Variants in ORC4 observed in about 807,000 individuals in gnomAD.
ORC4 encodes origin recognition complex subunit 4, also known as origin recognition complex, subunit 4 homolog.
In ORC4, 55 loss-of-function variants were observed where a neutral mutation model predicts 63.9. That is an observed-to-expected ratio of 0.86 (90% CI 0.69 to 1.08). The LOEUF (loss-of-function observed/expected upper bound fraction) is 1.08, where lower values mean the gene tolerates loss of function less well. Among genes scored for constraint, ORC4 ranks in the 50% least tolerant of loss-of-function variants. The pLI is 0.00. For missense variants in ORC4, 511 were observed against 504.4 expected, an observed-to-expected ratio of 1.01 and a Z score of -0.13; for synonymous variants, 150 against 168.5, an observed-to-expected ratio of 0.89 and a Z score of 0.85.
At position 147,943,464 on chromosome 2, in the gene ORC4, T is replaced by C. The variant is rs757433608; in HGVS notation, c.821A>G (p.Lys274Arg). Residue 274 changes from lysine (K) to arginine (R), a missense_variant, in exon 10 of 14, where the codon AAA (lysine) becomes AGA (arginine). Lys to Arg is a conservative substitution (Grantham distance 26). Coordinates refer to ENST00000392857, the MANE Select transcript of ORC4 (RefSeq NM_181741.4). The stretch of plus-strand genomic sequence containing the variant: ...TAGCATGTGTAATGACCGCAGGTTT[T>C]TGCTGATATTGAAATGCTTCTGTAG... ...EVLQKHFNISKNLRSLHMLLM... is the reference protein window; with the variant it reads ...EVLQKHFNISRNLRSLHMLLM... 1.2e-5 allele frequency: 19 copies of C among 1,606,066 alleles called. No homozygotes were observed. The highest frequency in any genetic ancestry group is 1.3e-5 in the Non-Finnish European group (15 of 1,173,060).
At chr2:147,961,712 A>G (rs1409877763) in intron 4 of ORC4, among the ~76,000 whole-genome samples, 5 of 152,176 alleles carry the variant, frequency 3.3e-5, no homozygotes, top group Non-Finnish European at 5.9e-5. Context: ...AATGACTGCA[A>G]GGCACCACAA....
chr2:148,018,656 TGA>T (rs564877777), intron 1 of ORC4, among the ~76,000 whole-genome samples: 86 of 152,288 alleles, frequency 5.6e-4, no homozygotes, highest in Non-Finnish European at 4.6e-4. Context: ...CCCAGCTGCA[TGA>T]GAGAAAAAGA....
At chr2:147,963,553 A>G (rs1689729801) in intron 4 of ORC4, among the ~76,000 whole-genome samples, 2 of 152,222 alleles carry the variant, frequency 1.3e-5, no homozygotes. Flanking sequence ...GTTGGGATCA[A>G]GCAGCCTTGC....
At chr2:147,947,136 A>G (rs1373226307) in intron 9 of ORC4, among the ~76,000 whole-genome samples, 1 of 152,030 alleles carries the variant, frequency 6.6e-6, no homozygotes, top group Non-Finnish European at 1.5e-5. Context: ...TTAAAATAAA[A>G]TGATCCTTTT....
intron 1 of ORC4, among the ~76,000 whole-genome samples, chr2:148,010,848 CTT>C (rs201359357): frequency 6.3e-3 from 616 of 98,518 alleles, no homozygotes; most frequent in Non-Finnish European, 9.1e-3. Flanking sequence ...CAGATTTATT[CTT>C]TTTTTTTTTT....
rs1490990345 is a variant in ORC4, at chr2:147,978,090, T to C, written c.-17-2115A>G. 3.3e-5 allele frequency among the ~76,000 whole-genome samples: 5 copies of C among 152,110 alleles called. No individual in the cohort carries two copies. The East Asian group carries it at 7.7e-4, about 24-fold the overall frequency. On this transcript the variant is annotated intron_variant, in intron 1 of 13. Coordinates refer to ENST00000392857, the MANE Select transcript of ORC4 (RefSeq NM_181741.4). Reference sequence around the variant, plus strand: ...GTCAGGTGGCCTGTTTGCAGGGCTATGGACAGCCCCATCTCCCTCCAGGAT... The same window carrying C: ...GTCAGGTGGCCTGTTTGCAGGGCTACGGACAGCCCCATCTCCCTCCAGGAT...
chr2:147,990,820 T>C (rs1691536602), intron 1 of ORC4, among the ~76,000 whole-genome samples: 4 of 152,198 alleles, frequency 2.6e-5, no homozygotes, highest in African/African-American at 9.6e-5. Context: ...TATTTTCTCA[T>C]TGATATTAAA....
At chr2:147,936,040 A>C (rs977933678) in intron 13 of ORC4, among the ~76,000 whole-genome samples, 1 of 152,118 alleles carries the variant, frequency 6.6e-6, no homozygotes, top group African/African-American at 2.4e-5. Context: ...CTCTGTAAAA[A>C]CCTAAGAATC....
In ORC4 at chr2:147,933,385, C is replaced by A. The variant is rs1421533953; in HGVS notation, c.*2125G>T. The A allele has an allele frequency of 6.6e-6, 1 of 152,120 alleles. No homozygotes were observed. The highest frequency in any genetic ancestry group is 1.5e-5 in the Non-Finnish European group (1 of 68,016). The allele number at this position is 152,120 out of a possible 1,614,324, so 9.4% of individuals were successfully genotyped here. A position where few individuals can be genotyped will look rare whatever the true frequency, so the allele number is the denominator to read the frequency against. On this transcript the variant is annotated 3_prime_UTR_variant, in exon 14 of 14. Coordinates refer to ENST00000392857, the MANE Select transcript of ORC4 (RefSeq NM_181741.4). ...AATATGGAAAGGCCAACAAGCAGCA[C>A]TGTTCCTCCCCACAAAAATGCCTTG...
intron 3 of ORC4, 52 bp from the exon 4 acceptor site, chr2:147,972,881 G>A: frequency 8.2e-7 from 1 of 1,217,148 alleles, no homozygotes; most frequent in Non-Finnish European, 1.2e-6. Context: ...GGAATACTTT[G>A]TTATGTTGTA....
rs1463872527 is a variant in ORC4, at chr2:147,939,201, G to A, written c.897C>T (p.Ala299=). 22 of 1,612,870 alleles carry A rather than the reference G, an allele frequency of 1.4e-5. No homozygotes were observed. The highest frequency in any genetic ancestry group is 2.2e-5 in the South Asian group (2 of 91,034). ...GTTGGCTTGCTTCCATTAGATCTACGGCAGTCATAAATGGGTGCGATGCTG... is the reference window on the plus strand; with the variant it reads ...GTTGGCTTGCTTCCATTAGATCTACAGCAGTCATAAATGGGTGCGATGCTG... ...RVTASHPFMT[A]VDLMEASQLC... is the part of the protein sequence containing the mutation. The change falls in exon 11 of 14, where the codon GCC becomes GCT. Residue 299 remains alanine, a synonymous_variant. Coordinates refer to ENST00000392857, the MANE Select transcript of ORC4 (RefSeq NM_181741.4).
intron 7 of ORC4, among the ~76,000 whole-genome samples, chr2:147,953,678 C>T (rs1181047817): frequency 1.3e-5 from 2 of 152,158 alleles, no homozygotes; most frequent in African/African-American, 4.8e-5. Context: ...AACTACAATG[C>T]TTTTCATGGG....
chr2:147,991,655 C>A (rs1382032748), intron 1 of ORC4, among the ~76,000 whole-genome samples: 5 of 151,966 alleles, frequency 3.3e-5, no homozygotes, highest in East Asian at 3.9e-4. Context: ...ATGGTGAAAC[C>A]CCGTCTCTAC....
chr2:147,962,523 C>T (rs1689658380), intron 4 of ORC4, among the ~76,000 whole-genome samples: 1 of 152,096 alleles, frequency 6.6e-6, no homozygotes, highest in African/African-American at 2.4e-5. Flanking sequence ...GAACACACAA[C>T]TCTAGCTGCA....
intron 6 of ORC4, among the ~76,000 whole-genome samples, chr2:147,957,155 C>T (rs922712824): frequency 6.8e-6 from 1 of 146,424 alleles, no homozygotes; most frequent in African/African-American, 2.5e-5. Context: ...ATATAATAAA[C>T]TATAATTATA....
At chr2:147,955,534 C>A in intron 6 of ORC4, 139 bp from the exon 7 acceptor site, 1 of 596,052 alleles carries the variant, frequency 1.7e-6, no homozygotes. Context: ...TGCTGAGTGT[C>A]TCTATACTTC....
chr2:148,016,681 A>G (rs900528535), intron 1 of ORC4, among the ~76,000 whole-genome samples: 17 of 152,242 alleles, frequency 1.1e-4, no homozygotes, highest in African/African-American at 4.1e-4. Context: ...ATCCTGAAGC[A>G]TGGATTTTTA....
intron 6 of ORC4, 55 bp downstream of exon 6, chr2:147,958,243 T>G: frequency 8.3e-6 from 9 of 1,079,180 alleles, no homozygotes; most frequent in Non-Finnish European, 1.1e-5. Flanking sequence ...ATATACATGG[T>G]ATAAAGACAT....
intron 9 of ORC4, among the ~76,000 whole-genome samples, chr2:147,946,678 T>G (rs1688674575): frequency 6.6e-6 from 1 of 152,190 alleles, no homozygotes; most frequent in Non-Finnish European, 1.5e-5. Flanking sequence ...ATTTTAAAGA[T>G]AATGTCAGCT....
Sources: gnomAD v4.1 joint callset for allele counts (sites outside exome capture counted in the v4.1 genomes callset) on GRCh38, gnomAD v4.1.1 for gene constraint, MANE v1.5 for transcripts, NCBI Gene and HGNC (gene_info 2026-07-23, HGNC 2026-07-21) for gene names.